The following DNAJC19 variants were observed in gnomAD, a reference collection of about 807,000 sequenced individuals.
DNAJC19 encodes DnaJ heat shock protein family (Hsp40) member C19.
In DNAJC19, 15 loss-of-function variants were observed where a neutral mutation model predicts 19.8. That is an observed-to-expected ratio of 0.76 (90% CI 0.51 to 1.17). The LOEUF is 1.17. Ranked by LOEUF, DNAJC19 falls within the 50% of genes most tolerant of loss-of-function variation. The pLI is 0.00. For synonymous variants in DNAJC19, 38 were observed against 42.1 expected (o/e 0.90, Z 0.38); for missense variants, 105 against 140.9 (o/e 0.75, Z 1.29).
Position 180,989,554 on chromosome 3 carries a change from A to G in DNAJC19, c.3+46T>C, listed in dbSNP as rs755871059. 5.8e-6 allele frequency: 9 copies of G among 1,564,590 alleles called. No homozygotes were observed. In the East Asian group the frequency reaches 1.9e-4, roughly 33 times the overall value. On this transcript the variant is annotated intron_variant, in intron 1 of 5. Transcript: ENST00000382564. ...CCTCCGAGGCGGGGAGCTGAGGTTG[A>G]GGCCTGGGCCGGAGGTCGCCAAGAA...
chr3:180,988,735 G>A (rs1253140966), intron 1 of DNAJC19, among the ~76,000 whole-genome samples: 1 of 151,972 alleles, frequency 6.6e-6, no homozygotes, highest in African/African-American at 2.4e-5. Flanking sequence ...CAGGCGCGGT[G>A]GCTCACGCCT....
At chr3:180,986,599 A>C in intron 4 of DNAJC19, 1 of 225,692 alleles carries the variant, frequency 4.4e-6, no homozygotes, top group South Asian at 7.6e-5. Context: ...GAATTTCACC[A>C]CAAAAAAAAT....
chr3:180,987,218 A>C, intron 3 of DNAJC19, 196 bp from the exon 4 acceptor site: 1 of 602,468 alleles, frequency 1.7e-6, no homozygotes, highest in Non-Finnish European at 2.9e-6. Context: ...AATGATCATT[A>C]AACAGATTCA....
rs1714947272 is a variant in DNAJC19, at chr3:180,987,029, G to C, written c.130-7C>G. 1 of 1,612,468 alleles carries C rather than the reference G, an allele frequency of 6.2e-7. No individual in the cohort carries two copies. The highest frequency in any genetic ancestry group is 8.5e-7 in the Non-Finnish European group (1 of 1,178,704). ...AATAGCCACCACTGAAGGCCTGAAAGAAGAAATGCATTTGTAAAGAAAGGT... is the reference window on the plus strand; with the variant it reads ...AATAGCCACCACTGAAGGCCTGAAACAAGAAATGCATTTGTAAAGAAAGGT... On this transcript the variant is annotated splice_region_variant and splice_polypyrimidine_tract_variant and intron_variant, in intron 3 of 5. Coordinates refer to ENST00000382564, the MANE Select transcript of DNAJC19 (RefSeq NM_145261.4).
chr3:180,984,266 C>T lies in DNAJC19; in HGVS notation c.*374G>A, dbSNP rs1310553514. Reference sequence around the variant, plus strand: ...TACTTAAACAGCTTAAGCTAATTTCCATCATACTATTTATCACAGTCTAAT... The same window carrying T: ...TACTTAAACAGCTTAAGCTAATTTCTATCATACTATTTATCACAGTCTAAT... On this transcript the variant is annotated 3_prime_UTR_variant, in exon 6 of 6. Coordinates refer to ENST00000382564, the MANE Select transcript of DNAJC19 (RefSeq NM_145261.4). 2.2e-6 allele frequency: 1 copy of T among 454,728 alleles called. No homozygotes were observed. The highest frequency in any genetic ancestry group is 2.3e-5 in the Admixed American group (1 of 42,562). The allele number at this position is 454,728 out of a possible 1,614,324, so 28.2% of individuals were successfully genotyped here.
At chr3:180,985,312 C>G (rs1257436782) in intron 5 of DNAJC19, 1 of 153,898 alleles carries the variant, frequency 6.5e-6, no homozygotes, top group Admixed American at 6.4e-5. Flanking sequence ...ATTTATGGGG[C>G]TCCACTGCCG....
At chr3:180,989,772 C>A, upstream of DNAJC19, 2 of 1,095,530 alleles carry the variant, frequency 1.8e-6, no homozygotes, top group South Asian at 1.3e-5. Flanking sequence ...GGAAAACTGT[C>A]GTAAAAGGGG....
Position 180,984,650 on chromosome 3 carries a change from G to T in DNAJC19, c.341C>A (p.Ala114Asp), listed in dbSNP as rs1474187521. Residue 114 changes from alanine to aspartate, a missense_variant, in exon 6 of 6, where the codon GCT becomes GAT. Transcript: ENST00000382564. ...CATCATACATTTACTTCATTTTTTA[G>T]CTTGACCTTCTAGTAAATCTTTAGC... ...NEAKDLLEGQAKK is the reference protein window; with the variant it reads ...NEAKDLLEGQDKK 1 of 1,604,390 alleles carries T rather than the reference G, an allele frequency of 6.2e-7. No homozygotes were observed. The highest frequency in any genetic ancestry group is 1.7e-5 in the Admixed American group (1 of 59,588).
At chr3:180,986,692 T>TTAGTAA (rs1442419985) in intron 4 of DNAJC19, 1 of 475,490 alleles carries the variant, frequency 2.1e-6, no homozygotes, top group African/African-American at 2.0e-5. Flanking sequence ...TGCCTGTGTT[T>TTAGTAA]TAGTAAACAC....
chr3:180,986,663 C>T (rs1227156274), intron 4 of DNAJC19: 2 of 405,544 alleles, frequency 4.9e-6, no homozygotes, highest in Non-Finnish European at 8.9e-6. Flanking sequence ...AGGAGTCTAT[C>T]TTTAAATAAA....
At chr3:180,987,087 T>G in intron 3 of DNAJC19, 65 bp from the exon 4 acceptor site, 3 of 1,382,532 alleles carry the variant, frequency 2.2e-6, no homozygotes, top group Non-Finnish European at 3.1e-6. Context: ...AAAAGACGTC[T>G]GGAAATATTC....
chr3:180,987,226 T>C (rs1410535629), intron 3 of DNAJC19: 1 of 590,166 alleles, frequency 1.7e-6, no homozygotes, highest in Non-Finnish European at 3.0e-6. Context: ...TTAAACAGAT[T>C]CATTTTTTTC....
Position 180,989,614 on chromosome 3 carries a change from G to T in DNAJC19, c.-12C>A, listed in dbSNP as rs533013026. 3 of 1,587,016 alleles carry T rather than the reference G, an allele frequency of 1.9e-6. No homozygotes were observed. The Admixed American group carries it at 5.3e-5, about 28-fold the overall frequency. On this transcript the variant is annotated 5_prime_UTR_variant, in exon 1 of 6. Coordinates refer to ENST00000382564, the MANE Select transcript of DNAJC19 (RefSeq NM_145261.4). ...GCCGCACTCACCATGGCTCCGGCTG[G>T]GCTCCCTTGCTTCCACCGGGAGCAC...
In DNAJC19 at chr3:180,984,469, A is replaced by G. The variant is rs182862457; in HGVS notation, c.*171T>C. 63 of 643,002 alleles carry G rather than the reference A, an allele frequency of 9.8e-5. No homozygotes were observed. The African/African-American group carries it at 1.0e-3, about 11-fold the overall frequency. 39.8% of individuals were successfully genotyped at this position (643,002 alleles called of 1,614,324 possible). A position where few individuals can be genotyped will look rare whatever the true frequency, so the allele number is the denominator to read the frequency against. On this transcript the variant is annotated 3_prime_UTR_variant, in exon 6 of 6. Coordinates refer to ENST00000382564, the MANE Select transcript of DNAJC19 (RefSeq NM_145261.4). Reference sequence around the variant, plus strand: ...AATTAATACGCAAATATTCTAAACTATAATCTGATTTAAAATCCCCAAATT... The same window carrying G: ...AATTAATACGCAAATATTCTAAACTGTAATCTGATTTAAAATCCCCAAATT...
At chr3:180,986,724 C>T (rs1455610183) in intron 4 of DNAJC19, 8 of 544,738 alleles carry the variant, frequency 1.5e-5, no homozygotes, top group Non-Finnish European at 2.6e-5. Context: ...AGAAAAAGTG[C>T]TTAAGTGCTA....
Position 180,985,942 on chromosome 3 carries a change from T to C in DNAJC19, c.264A>G (p.Leu88=), listed in dbSNP as rs1449526148. 6.2e-7 allele frequency: 1 copy of C among 1,613,526 alleles called. No individual in the cohort carries two copies. The highest frequency in any genetic ancestry group is 8.5e-7 in the Non-Finnish European group (1 of 1,179,816). The part of the protein sequence containing the change: ...IRDAHRRIML[L]NHPDKGGSPY... ...ACTACTTACCTTTGTCAGGATGATT[T>C]AAAAGCATAATTCGTCGATGAGCAT... The change falls in exon 5 of 6, where the codon TTA becomes TTG. Residue 88 remains leucine, a synonymous_variant. Transcript: ENST00000382564.
chr3:180,986,047 C>CA, intron 4 of DNAJC19, 51 bp from the exon 5 acceptor site: 1 of 1,453,132 alleles, frequency 6.9e-7, no homozygotes. Flanking sequence ...TGCATCACAT[C>CA]AAAAAACTGT....
In DNAJC19 at chr3:180,986,002, T is replaced by TA. The variant is rs1466519628; in HGVS notation, c.210-7dup. Reference sequence around the variant, plus strand: ...TCCCTTTATTGGCAGTAGGGCTAATTAAAAAAAGAAATGGTATTTACTTCA... The same window carrying TA: ...TCCCTTTATTGGCAGTAGGGCTAATTAAAAAAAAGAAATGGTATTTACTTCA... On this transcript the variant is annotated splice_polypyrimidine_tract_variant and splice_region_variant and intron_variant, in intron 4 of 5. Transcript: ENST00000382564. The TA allele has an allele frequency of 1.2e-6, 2 of 1,610,422 alleles. No homozygotes were observed. Among genetic ancestry groups the TA allele is most frequent in the Admixed American group, 1.7e-5 (1 of 59,960 alleles).
rs1714806940 is a variant in DNAJC19 at position 180,984,700 on chromosome 3, A to G, written c.291T>C (p.Pro97=). ...CTTCATTGATTTTGGCTGCTATATA[A>G]GGAGATCCTCCTATAGGAAGAAAGA... ...LLNHPDKGGS[P]YIAAKINEAK... is the part of the protein sequence containing the mutation. Residue 97 remains proline, a synonymous_variant, in exon 6 of 6, where the codon CCT becomes CCC. Coordinates refer to ENST00000382564, the MANE Select transcript of DNAJC19 (RefSeq NM_145261.4). 1 of 1,606,860 alleles carries G rather than the reference A, an allele frequency of 6.2e-7. No homozygotes were observed. Among genetic ancestry groups the G allele is most frequent in the Non-Finnish European group, 8.5e-7 (1 of 1,175,088 alleles).
Sources: gnomAD v4.1 joint callset for allele counts (sites outside exome capture counted in the v4.1 genomes callset) on GRCh38, gnomAD v4.1.1 for gene constraint, MANE v1.5 for transcripts, NCBI Gene and HGNC (gene_info 2026-07-23, HGNC 2026-07-21) for gene names.